The following UNKL variants were observed in gnomAD, a reference collection of about 807,000 sequenced individuals.
UNKL encodes the protein unk like zinc finger.
A neutral mutation model predicts 78.0 loss-of-function variants in UNKL; 60 were observed. That is an observed-to-expected ratio of 0.77 (90% CI 0.63 to 0.95). The LOEUF is 0.95. Among genes scored for constraint, UNKL ranks in the 40% least tolerant of loss-of-function variants. The probability of loss-of-function intolerance (pLI) is 0.00; values close to 1 mark genes in which losing one functional copy is unlikely to be tolerated. For synonymous variants in UNKL, 608 were observed against 474.8 expected (o/e 1.28, Z -3.65); for missense variants, 1,159 against 1,045.7 (o/e 1.11, Z -1.49).
rs891426369 is a variant in UNKL, at chr16:1,391,769, G to A, written c.1024-1075C>T. Reference sequence around the variant, plus strand: ...GTGGCGCGATCTCAGCTCACTGCAAGCTCCACCTCCCGGGTTCAAGCAATT... The same window carrying A: ...GTGGCGCGATCTCAGCTCACTGCAAACTCCACCTCCCGGGTTCAAGCAATT... On this transcript the variant is annotated intron_variant, in intron 8 of 14. Coordinates refer to ENST00000389221, the MANE Select transcript of UNKL (RefSeq NM_001372107.1). 3.3e-5 allele frequency among the ~76,000 whole-genome samples: 5 copies of A among 152,096 alleles called. No homozygotes were observed. In the East Asian group the frequency reaches 9.7e-4, roughly 29 times the overall value.
At chr16:1,383,595 C>T (rs1031423779) in intron 10 of UNKL, 33 of 371,788 alleles carry the variant, frequency 8.9e-5, no homozygotes, top group African/African-American at 5.4e-4. Flanking sequence ...AAGAGTCTCT[C>T]TCTCCTCGGC....
intron 10 of UNKL, among the ~76,000 whole-genome samples, chr16:1,380,096 G>A (rs906304585): frequency 2.0e-5 from 3 of 152,252 alleles, no homozygotes; most frequent in Non-Finnish European, 2.9e-5. Flanking sequence ...CGCGGGGTAC[G>A]GAGCTCGCAG....
At chr16:1,380,673 A>ATTTTTTTTTTTTTTTTTTTTT (rs57595079) in intron 10 of UNKL, among the ~76,000 whole-genome samples, 9 of 99,398 alleles carry the variant, frequency 9.1e-5, no homozygotes, top group African/African-American at 3.6e-4. Context: ...CTGGTTCAGG[A>ATTTTTTTTTTTTTTTTTTTTT]TTTTTTTTTT....
intron 10 of UNKL, among the ~76,000 whole-genome samples, chr16:1,376,625 C>T (rs2036245477): frequency 1.3e-5 from 2 of 152,130 alleles, no homozygotes. Context: ...CAGGGTCCCA[C>T]CCTACCGGCC....
At chr16:1,394,756 C>A (rs1470949976) in intron 6 of UNKL, among the ~76,000 whole-genome samples, 1 of 152,150 alleles carries the variant, frequency 6.6e-6, no homozygotes, top group Non-Finnish European at 1.5e-5. Context: ...GCACGCCAGG[C>A]CTCCAGTGCC....
rs1212726319 is a variant in UNKL, at chr16:1,369,904, G to A, written c.1585+226C>T. The stretch of plus-strand genomic sequence containing the variant: ...GCAGGAGAATTGCTTGAACCTGGGA[G>A]GCGGAGGTTGCGGCGAGCCGAGATC... On this transcript the variant is annotated intron_variant, in intron 12 of 14. Transcript: ENST00000389221. The A allele has an allele frequency of 2.0e-6, 3 of 1,524,330 alleles. No individual in the cohort carries two copies. In the African/African-American group the frequency reaches 4.1e-5, roughly 21 times the overall value. The allele number at this position is 1,524,330 out of a possible 1,614,324, so 94.4% of individuals were successfully genotyped here. A position where few individuals can be genotyped will look rare whatever the true frequency, so the allele number is the denominator to read the frequency against.
In UNKL at chr16:1,403,454, C is replaced by T. The variant is rs1596758188; in HGVS notation, c.288-110G>A. ...CGTGGCAAGCAGTGAATTCCCTTCC[C>T]TTCTTCCAGATTCCTGTTCTAATCA... On this transcript the variant is annotated intron_variant, in intron 2 of 14. Transcript: ENST00000389221. This position sits in a 1 kb window ranked among gnomAD's most constrained non-coding sequence, Gnocchi z 4.8. The T allele has an allele frequency of 7.8e-7, 1 of 1,286,876 alleles. No homozygotes were observed. The highest frequency in any genetic ancestry group is 1.1e-6 in the Non-Finnish European group (1 of 941,694). The allele number at this position is 1,286,876 out of a possible 1,614,324, so 79.7% of individuals were successfully genotyped here.
intron 12 of UNKL, among the ~76,000 whole-genome samples, chr16:1,368,992 C>T (rs2035545790): frequency 1.3e-5 from 2 of 151,994 alleles, no homozygotes; most frequent in South Asian, 4.2e-4. Context: ...AGTGACCACC[C>T]ACCTCGACCT....
In UNKL at chr16:1,385,313, C is replaced by T; in HGVS notation, c.1159G>A (p.Ala387Thr). Residue 387 changes from alanine to threonine, a missense_variant, in exon 10 of 15, where the codon GCG (alanine) becomes ACG (threonine). By Grantham distance (58) the Ala-to-Thr change is moderately conservative (BLOSUM62 0). Coordinates refer to ENST00000389221, the MANE Select transcript of UNKL (RefSeq NM_001372107.1). ...GAGCTGCCGGAGCCGGCGCTGGACG[C>T]CAGGCTGGACGCCACGCTGGAGCTC... is the stretch of plus-strand genomic sequence containing the variant. ...SVSSSVASSL[A>T]SSAGSGSSSP... The T allele has an allele frequency of 2.1e-6, 3 of 1,407,190 alleles. No individual in the cohort carries two copies. The highest frequency in any genetic ancestry group is 3.0e-5 in the South Asian group (2 of 66,354). 87.2% of individuals were successfully genotyped at this position (1,407,190 alleles called of 1,614,324 possible).
chr16:1,370,899 TG>T (rs1176138330), intron 11 of UNKL, among the ~76,000 whole-genome samples: 1 of 152,026 alleles, frequency 6.6e-6, no homozygotes, highest in East Asian at 1.9e-4. Flanking sequence ...CTGGCTAACA[TG>T]GTGAAACCCC....
intron 2 of UNKL, chr16:1,406,099 T>C: frequency 2.2e-6 from 1 of 455,498 alleles, no homozygotes; most frequent in Non-Finnish European, 4.4e-6. Context: ...ACAGGCAGTG[T>C]ACACGACTCC....
In UNKL at chr16:1,407,554, G is replaced by C. The variant is rs944442574; in HGVS notation, c.288-4210C>G. On this transcript the variant is annotated intron_variant, in intron 2 of 14. Coordinates refer to ENST00000389221, the MANE Select transcript of UNKL (RefSeq NM_001372107.1). ...TACAAAAAATACAAAAATTCAGCTG[G>C]GCGTGGTGGTGTGCGCCTATGGTCC... Among the ~76,000 whole-genome samples the C allele has an allele frequency of 2.0e-5, 3 of 149,628 alleles. No homozygotes were observed. The South Asian group carries it at 6.2e-4, about 31-fold the overall frequency.
intron 10 of UNKL, among the ~76,000 whole-genome samples, chr16:1,381,766 A>G (rs2036615175): frequency 6.6e-6 from 1 of 152,132 alleles, no homozygotes; most frequent in African/African-American, 2.4e-5. Context: ...CATGTATGAT[A>G]GTGATCTCAA....
chr16:1,383,412 G>A (rs9635637), intron 10 of UNKL: 3 of 181,814 alleles, frequency 1.7e-5, no homozygotes, highest in African/African-American at 4.6e-5. Context: ...GCTGTGCCCA[G>A]AAGATGCACC....
intron 2 of UNKL, among the ~76,000 whole-genome samples, chr16:1,409,069 A>C (rs1356294051): frequency 6.6e-6 from 1 of 151,890 alleles, no homozygotes; most frequent in Non-Finnish European, 1.5e-5. Context: ...GGTGCCCGCC[A>C]CCATGCCCAG....
At chr16:1,397,922 G>C (rs865907339) in intron 5 of UNKL, among the ~76,000 whole-genome samples, 1 of 152,256 alleles carries the variant, frequency 6.6e-6, no homozygotes, top group Admixed American at 6.5e-5. Flanking sequence ...GGGCCCTGGA[G>C]TGACAGGCAA....
intron 2 of UNKL, among the ~76,000 whole-genome samples, chr16:1,405,265 CAGGG>C (rs201148368): frequency 3.0e-5 from 4 of 131,416 alleles, no homozygotes; most frequent in East Asian, 2.1e-4. Flanking sequence ...GAAAGAAAGA[CAGGG>C]AGGGAGGGAG....
Position 1,387,918 on chromosome 16 carries a change from T to C in UNKL, c.1087-2533A>G, listed in dbSNP as rs113038036. The stretch of plus-strand genomic sequence containing the variant: ...TGCCCCTGCTCAGTCAGGCTGAGGT[T>C]CCCCATGTCCTGACCCACCAGTAGC... On this transcript the variant is annotated intron_variant, in intron 9 of 14. Transcript: ENST00000389221. This position sits in a 1 kb window ranked among gnomAD's most constrained non-coding sequence, Gnocchi z 4.1. Among the ~76,000 whole-genome samples the C allele has an allele frequency of 1.7e-3, 254 of 151,974 alleles. 3 individuals are homozygous for C. Among genetic ancestry groups the C allele is most frequent in the African/African-American group, 5.3e-3 (220 of 41,420 alleles).
intron 10 of UNKL, among the ~76,000 whole-genome samples, chr16:1,374,416 G>A (rs931782342): frequency 2.0e-5 from 3 of 152,122 alleles, no homozygotes; most frequent in Admixed American, 1.3e-4. Flanking sequence ...TGTCCCTGAA[G>A]GGCCCTAGAC....
Sources: allele counts gnomAD v4.1 joint callset (sites outside exome capture counted in the v4.1 genomes callset), GRCh38; gene constraint gnomAD v4.1.1; non-coding constraint Gnocchi (gnomAD v3.1); transcripts MANE v1.5; gene names NCBI Gene and HGNC (gene_info 2026-07-23, HGNC 2026-07-21).